The following ZNF573 variants were observed in gnomAD, a reference collection of about 807,000 sequenced individuals.
ZNF573 encodes the protein zinc finger protein 573.
ZNF573 carries 41 observed loss-of-function variants against 57.4 expected under a neutral mutation model. That is an observed-to-expected ratio of 0.71 (90% CI 0.56 to 0.93). ZNF573 has a LOEUF of 0.93. ZNF573 is among the 40% of genes least tolerant of loss of function. The probability of loss-of-function intolerance (pLI) is 0.00; values close to 1 mark genes in which losing one functional copy is unlikely to be tolerated. For missense variants in ZNF573, 730 were observed against 794.8 expected (o/e 0.92, Z 0.98); for synonymous variants, 249 against 261.0 (o/e 0.95, Z 0.44).
chr19:37,759,355 T>A (rs915938894), intron 4 of ZNF573, among the ~76,000 whole-genome samples: 1 of 152,200 alleles, frequency 6.6e-6, no homozygotes, highest in Admixed American at 6.6e-5. Context: ...CAAAAGTTTA[T>A]AAACATTTAA....
intron 4 of ZNF573, chr19:37,758,611 A>T (rs1261141361): frequency 2.6e-5 from 4 of 151,698 alleles, no homozygotes; most frequent in Non-Finnish European, 4.4e-5. Context: ...AAAAAAAAAA[A>T]AAAGGAAAAA....
At chr19:37,779,240 C>T (rs2045740964) in intron 1 of ZNF573, among the ~76,000 whole-genome samples, 1 of 152,164 alleles carries the variant, frequency 6.6e-6, no homozygotes, top group South Asian at 2.1e-4. Flanking sequence ...CCGCACCCAC[C>T]GTCAAGGAGG....
In ZNF573 at chr19:37,745,856, C is replaced by T. The variant is rs1049691778; in HGVS notation, c.296-5662G>A. On this transcript the variant is annotated intron_variant, in intron 4 of 4. Coordinates refer to ENST00000536220, the MANE Select transcript of ZNF573 (RefSeq NM_001172690.2). ...GTATGAAATAAAGAAAGCAAATTAT[C>T]CAAAGTCTGATTAACCAAAGACAAT... Among the ~76,000 whole-genome samples the T allele has an allele frequency of 2.6e-5, 4 of 152,036 alleles. No individual in the cohort carries two copies. In the East Asian group the frequency reaches 7.7e-4, roughly 29 times the overall value.
At position 37,740,175 on chromosome 19, in the gene ZNF573, C is replaced by T. The variant is rs766337986; in HGVS notation, c.315G>A (p.Glu105=). Residue 105 remains glutamate (E), a synonymous_variant, in exon 5 of 5, where the codon GAG becomes GAA. Transcript: ENST00000536220. ...TGGGTACTTCTATGTAGCTGATTAT[C>T]TCACACTGTAAATCCAAATCTGAAA... ...TQFTDLDLQC[E]IISYIEVPTY... 3.8e-6 allele frequency: 6 copies of T among 1,577,258 alleles called. No homozygotes were observed. In the African/African-American group the frequency reaches 8.2e-5, roughly 22 times the overall value.
intron 2 of ZNF573, chr19:37,772,854 C>CA (rs1281309871): frequency 1.5e-6 from 1 of 678,580 alleles, no homozygotes; most frequent in Non-Finnish European, 1.8e-6. Flanking sequence ...CAAGGGGTCT[C>CA]AAACTCCTGG....
intron 4 of ZNF573, among the ~76,000 whole-genome samples, chr19:37,748,175 T>C: frequency 6.6e-6 from 1 of 152,200 alleles, no homozygotes; most frequent in East Asian, 1.9e-4. Context: ...GTGGTACCCC[T>C]AACTGGATGC....
intron 4 of ZNF573, among the ~76,000 whole-genome samples, chr19:37,743,421 A>C (rs1440525688): frequency 2.0e-5 from 3 of 152,172 alleles, no homozygotes; most frequent in African/African-American, 7.2e-5. Context: ...GAGAAATGCA[A>C]ATCAAAACCA....
chr19:37,757,649 C>T (rs1211251374), intron 4 of ZNF573, among the ~76,000 whole-genome samples: 1 of 152,112 alleles, frequency 6.6e-6, no homozygotes. Flanking sequence ...CCTCAGGGAT[C>T]TAAAACTAGA....
intron 1 of ZNF573, among the ~76,000 whole-genome samples, chr19:37,776,120 A>G (rs1250812897): frequency 6.6e-6 from 1 of 152,216 alleles, no homozygotes; most frequent in Admixed American, 6.5e-5. Context: ...TCTTCACAGA[A>G]TTAGAAAAAA....
Position 37,773,764 on chromosome 19 carries a change from A to G in ZNF573, c.-22-13T>C. ...AGAGAATCCAGAGCTGAGAGAAGAA[A>G]AGAGATGTTAGTGTTCCCAATATGA... On this transcript the variant is annotated splice_polypyrimidine_tract_variant and intron_variant, in intron 1 of 4. Transcript: ENST00000536220. The G allele has an allele frequency of 6.8e-7, 1 of 1,473,670 alleles. No homozygotes were observed. The highest frequency in any genetic ancestry group is 9.2e-7 in the Non-Finnish European group (1 of 1,091,594). 91.3% of individuals were successfully genotyped at this position (1,473,670 alleles called of 1,614,324 possible).
Position 37,739,366 on chromosome 19 carries a change from C to A in ZNF573, c.1124G>T (p.Arg375Leu). The change falls in exon 5 of 5, where the codon CGG becomes CTG. Residue 375 changes from arginine to leucine, a missense_variant. Arg to Leu is a moderately radical substitution (Grantham distance 102). Transcript: ENST00000536220. ...KTFTLYRNLT[R>L]HQNIHTGEKL... ...CTCACCAGTATGAATATTCTGATGC[C>A]GAGTAAGATTTCTATACAAAGTAAA... 1 of 1,613,474 alleles carries A rather than the reference C, an allele frequency of 6.2e-7. No homozygotes were observed. Among genetic ancestry groups the A allele is most frequent in the Non-Finnish European group, 8.5e-7 (1 of 1,179,846 alleles).
rs761059999 is a variant in ZNF573, at chr19:37,738,911, CA to C, written c.1578del (p.Tyr526Ter). 6.8e-6 allele frequency: 11 copies of C among 1,611,286 alleles called. No homozygotes were observed. In the South Asian group the frequency reaches 9.9e-5, roughly 15 times the overall value. Reference protein sequence around the residue: ...HQKIHTGMKPYECKVCRKTFT... With the variant: ...HQKIHTGMKPXECKVCRKTFT... ...AAGGTTTTTCTACATACCTTACATT[CA>C]TAGGGTTTCATACCAGTATGAATTT... On this transcript the variant is annotated frameshift_variant, in exon 5 of 5. Coordinates refer to ENST00000536220, the MANE Select transcript of ZNF573 (RefSeq NM_001172690.2). LOFTEE classifies it high-confidence loss of function.
At chr19:37,745,235 T>C (rs1285200105) in intron 4 of ZNF573, among the ~76,000 whole-genome samples, 2 of 151,970 alleles carry the variant, frequency 1.3e-5, no homozygotes, top group East Asian at 1.9e-4. Context: ...CCACTATGCT[T>C]GGCTAATTTT....
chr19:37,748,757 T>A (rs2045405343), intron 4 of ZNF573, among the ~76,000 whole-genome samples: 1 of 151,984 alleles, frequency 6.6e-6, no homozygotes, highest in Admixed American at 6.6e-5. Flanking sequence ...TGAAACCCCA[T>A]CTCTACTAAA....
At chr19:37,757,276 G>A (rs1252286306) in intron 4 of ZNF573, among the ~76,000 whole-genome samples, 4 of 151,858 alleles carry the variant, frequency 2.6e-5, no homozygotes, top group Admixed American at 6.6e-5. Flanking sequence ...GGCTCACTGC[G>A]ACCTCCACCT....
At chr19:37,742,951 G>A (rs2045340575) in intron 4 of ZNF573, among the ~76,000 whole-genome samples, 1 of 152,128 alleles carries the variant, frequency 6.6e-6, no homozygotes, top group Non-Finnish European at 1.5e-5. Context: ...AATTTACAAG[G>A]AACTTAAACA....
chr19:37,770,075 T>C lies in ZNF573; in HGVS notation c.225A>G (p.Pro75=), dbSNP rs779268011. 8.4e-6 allele frequency: 13 copies of C among 1,551,202 alleles called. No homozygotes were observed. The highest frequency in any genetic ancestry group is 1.7e-4 in the Middle Eastern group (1 of 6,012). ...VSLGGHSISK[P]VVVDLLERGK... is the part of the protein sequence containing the mutation. The stretch of plus-strand genomic sequence containing the variant: ...CTCGCTCCAGTAAATCAACCACAAC[T>C]GGTTTAGAAATGGAATGTCCTCCTT... Residue 75 remains proline, a synonymous_variant, in exon 4 of 5, where the codon CCA becomes CCG. Transcript: ENST00000536220.
At chr19:37,744,476 G>A (rs2045358918) in intron 4 of ZNF573, among the ~76,000 whole-genome samples, 3 of 152,144 alleles carry the variant, frequency 2.0e-5, no homozygotes, top group South Asian at 2.1e-4. Flanking sequence ...GGTGGCTCAC[G>A]CCTATAATCC....
chr19:37,772,317 G>A (rs1255550264), intron 2 of ZNF573, among the ~76,000 whole-genome samples: 1 of 151,854 alleles, frequency 6.6e-6, no homozygotes, highest in Non-Finnish European at 1.5e-5. Flanking sequence ...ATTTTTTGTA[G>A]AGACAGGGTT....
Sources: allele counts gnomAD v4.1 joint callset (sites outside exome capture counted in the v4.1 genomes callset), GRCh38; gene constraint gnomAD v4.1.1; transcripts MANE v1.5; gene names NCBI Gene and HGNC (gene_info 2026-07-23, HGNC 2026-07-21).